Variants in PACS1 observed in about 807,000 individuals in gnomAD.
PACS1 encodes phosphofurin acidic cluster sorting protein 1.
Under a neutral mutation model 115.0 loss-of-function variants are expected in PACS1, and 24 were observed. The observed-to-expected ratio is 0.21, with a 90% CI of 0.15 to 0.29. The LOEUF (loss-of-function observed/expected upper bound fraction) is 0.29. Ranked by LOEUF, PACS1 falls within the 10% of genes least tolerant of loss-of-function variation. The probability of loss-of-function intolerance (pLI) is 1.00; values close to 1 mark genes in which losing one functional copy is unlikely to be tolerated. For synonymous variants in PACS1, 453 were observed against 504.5 expected, an observed-to-expected ratio of 0.90 and a Z score of 1.37; for missense variants, 838 against 1,251.2, an observed-to-expected ratio of 0.67 and a Z score of 4.98.
intron 4 of PACS1, among the ~76,000 whole-genome samples, chr11:66,212,304 T>TG (rs1018571750): frequency 5.9e-5 from 9 of 151,814 alleles, no homozygotes; most frequent in African/African-American, 1.9e-4. Context: ...GCTAATTTTT[T>TG]TTTTTTTTTA....
At chr11:66,111,362 C>G (rs560035211) in intron 1 of PACS1, among the ~76,000 whole-genome samples, 9 of 152,320 alleles carry the variant, frequency 5.9e-5, no homozygotes, top group Admixed American at 5.9e-4. Flanking sequence ...AAAAGCAGAA[C>G]TGTCTCTATA....
At chr11:66,090,580 C>G (rs1857644209) in intron 1 of PACS1, among the ~76,000 whole-genome samples, 1 of 152,090 alleles carries the variant, frequency 6.6e-6, no homozygotes, top group African/African-American at 2.4e-5. Flanking sequence ...AAAAGTGGCA[C>G]CTGTTTTCTA....
At position 66,233,675 on chromosome 11, in the gene PACS1, T is replaced by C; in HGVS notation, c.1839-110T>C. The C allele has an allele frequency of 9.5e-7, 1 of 1,048,522 alleles. No individual in the cohort carries two copies. The highest frequency in any genetic ancestry group is 2.5e-5 in the East Asian group (1 of 40,532). The allele number at this position is 1,048,522 out of a possible 1,614,324, so 65.0% of individuals were successfully genotyped here. ...TCTCTGTTTTATTTTGTGGATTGGT[T>C]TGCTTTTCCCCTGTGGGTTGTTGAG... On this transcript the variant is annotated intron_variant, in intron 15 of 23. Transcript: ENST00000320580. This position sits in a 1 kb window ranked among gnomAD's most constrained non-coding sequence, Gnocchi z 4.5.
At chr11:66,153,086 A>G (rs1439929827) in intron 1 of PACS1, among the ~76,000 whole-genome samples, 2 of 152,184 alleles carry the variant, frequency 1.3e-5, no homozygotes, top group Non-Finnish European at 2.9e-5. Flanking sequence ...ATAAAAGACT[A>G]TGATTTTTTT....
At chr11:66,208,779 G>T (rs1345863148) in intron 2 of PACS1, among the ~76,000 whole-genome samples, 3 of 151,870 alleles carry the variant, frequency 2.0e-5, no homozygotes, top group Admixed American at 1.3e-4. Flanking sequence ...TAAAAATCAT[G>T]CCCTTAGAAT....
At chr11:66,238,450 C>A in intron 19 of PACS1, 1 of 507,264 alleles carries the variant, frequency 2.0e-6, no homozygotes, top group Non-Finnish European at 2.6e-6. Flanking sequence ...TTTGTTTCTA[C>A]AGCTGGGCTG....
chr11:66,123,629 C>T (rs1273877538), intron 1 of PACS1, among the ~76,000 whole-genome samples: 5 of 152,030 alleles, frequency 3.3e-5, no homozygotes. Flanking sequence ...TCATGCCATT[C>T]TCCTGCCTCA....
chr11:66,088,606 A>T (rs1411134779), intron 1 of PACS1, among the ~76,000 whole-genome samples: 1 of 152,210 alleles, frequency 6.6e-6, no homozygotes, highest in Non-Finnish European at 1.5e-5. Context: ...ACCATCGGTC[A>T]GTCTGTCCAT....
At position 66,156,243 on chromosome 11, in the gene PACS1, T is replaced by C. The variant is rs1337014088; in HGVS notation, c.357-37243T>C. Among the ~76,000 whole-genome samples, 118 of 110,004 alleles carry C rather than the reference T, an allele frequency of 1.1e-3. 6 individuals carry two copies. The highest frequency in any genetic ancestry group is 4.7e-3 in the African/African-American group (115 of 24,702). The allele number at this position is 110,004 out of a possible 152,430, so 72.2% of individuals were successfully genotyped here. A position where few individuals can be genotyped will look rare whatever the true frequency, so the allele number is the denominator to read the frequency against. On this transcript the variant is annotated intron_variant, in intron 1 of 23. Coordinates refer to ENST00000320580, the MANE Select transcript of PACS1 (RefSeq NM_018026.4). ...ATATATATATATATATATATATATA[T>C]ATATATATATAGTTTTTTTTTTTTT...
At chr11:66,208,024 C>T (rs573197549) in intron 2 of PACS1, among the ~76,000 whole-genome samples, 1 of 152,272 alleles carries the variant, frequency 6.6e-6, no homozygotes, top group East Asian at 1.9e-4. Context: ...CCACCTCAGC[C>T]TCCCAAAGTG....
chr11:66,209,137 G>A (rs1393251175), intron 2 of PACS1, among the ~76,000 whole-genome samples: 1 of 151,916 alleles, frequency 6.6e-6, no homozygotes, highest in Non-Finnish European at 1.5e-5. Context: ...GGTTACAGAG[G>A]AAGTTCCTGG....
chr11:66,210,062 T>G lies in PACS1; in HGVS notation c.445-300T>G, dbSNP rs565714. 0.91 allele frequency among the ~76,000 whole-genome samples: 138,141 copies of G among 151,288 alleles called. 64,361 individuals carry two copies. Among genetic ancestry groups the G allele is most frequent in the East Asian group, 1 (5,120 of 5,120 alleles). ...TTGATATTATTTGAGACAGGGTCTC[T>G]CTCTGTCACCCAGGCTGGAGTGCAG... On this transcript the variant is annotated intron_variant, in intron 2 of 23. Transcript: ENST00000320580.
At chr11:66,128,883 CAAA>C (rs71455705) in intron 1 of PACS1, among the ~76,000 whole-genome samples, 3 of 127,988 alleles carry the variant, frequency 2.3e-5, no homozygotes, top group Admixed American at 8.0e-5. Flanking sequence ...GACTCCATCT[CAAA>C]AAAAAAAAAA....
intron 1 of PACS1, among the ~76,000 whole-genome samples, chr11:66,130,988 T>C (rs554798116): frequency 6.6e-6 from 1 of 152,146 alleles, no homozygotes; most frequent in Non-Finnish European, 1.5e-5. Flanking sequence ...GGAGGATCGC[T>C]TGAGCCCAGG....
chr11:66,139,135 C>T (rs1858918523), intron 1 of PACS1, among the ~76,000 whole-genome samples: 1 of 152,074 alleles, frequency 6.6e-6, no homozygotes. Context: ...TACTGTTTAC[C>T]TTTAGTTTTC....
intron 1 of PACS1, among the ~76,000 whole-genome samples, chr11:66,138,790 C>T (rs1236917218): frequency 3.3e-5 from 5 of 151,924 alleles, no homozygotes; most frequent in Non-Finnish European, 7.4e-5. Flanking sequence ...TCAAGTGATT[C>T]TCCTGCCTCA....
At chr11:66,081,445 A>G (rs1044021748) in intron 1 of PACS1, among the ~76,000 whole-genome samples, 1 of 152,136 alleles carries the variant, frequency 6.6e-6, no homozygotes, top group Non-Finnish European at 1.5e-5. Flanking sequence ...CAAAACAAAC[A>G]AAACAAACAA....
chr11:66,241,800 C>T (rs1317635384), intron 22 of PACS1, 147 bp downstream of exon 22: 2 of 646,006 alleles, frequency 3.1e-6, no homozygotes, highest in African/African-American at 3.7e-5. Context: ...GGCAGTCCCA[C>T]CTCCCCTCGA....
intron 7 of PACS1, chr11:66,217,609 G>A (rs1242139940): frequency 4.4e-6 from 2 of 456,148 alleles, no homozygotes; most frequent in South Asian, 3.1e-5. Flanking sequence ...AGGTGTCACT[G>A]GACTTCAGGT....
Sources: gnomAD v4.1 joint callset for allele counts (sites outside exome capture counted in the v4.1 genomes callset) on GRCh38, gnomAD v4.1.1 for gene constraint, Gnocchi (gnomAD v3.1) non-coding constraint, MANE v1.5 for transcripts, NCBI Gene and HGNC (gene_info 2026-07-23, HGNC 2026-07-21) for gene names.